SNX25: variants seen among roughly 807,000 people sequenced by gnomAD.
SNX25 encodes the protein sorting nexin 25.
A neutral mutation model predicts 113.7 loss-of-function variants in SNX25; 62 were observed. The observed-to-expected ratio is 0.55, with a 90% CI of 0.44 to 0.67. SNX25 has a LOEUF of 0.67. Ranked by LOEUF, SNX25 falls within the 30% of genes least tolerant of loss-of-function variation. The probability of loss-of-function intolerance (pLI) is 0.00; values close to 1 mark genes in which losing one functional copy is unlikely to be tolerated. For synonymous variants in SNX25, 421 were observed against 436.2 expected (o/e 0.97, Z 0.43); for missense variants, 1,014 against 1,161.0 (o/e 0.87, Z 1.84).
chr4:185,229,003 A>G (rs1178528056), intron 1 of SNX25, among the ~76,000 whole-genome samples: 1 of 152,208 alleles, frequency 6.6e-6, no homozygotes, highest in Admixed American at 6.5e-5. Context: ...CTGCTGTCTC[A>G]TAAGGGAGAA....
At chr4:185,268,949 A>G (rs1182039993) in intron 5 of SNX25, among the ~76,000 whole-genome samples, 2 of 152,226 alleles carry the variant, frequency 1.3e-5, no homozygotes, top group Non-Finnish European at 2.9e-5. Flanking sequence ...GGTATAATAT[A>G]TATCTGATGT....
chr4:185,371,012 T>A, downstream of SNX25: 1 of 529,048 alleles, frequency 1.9e-6, no homozygotes, highest in South Asian at 2.8e-5. Flanking sequence ...AGTGGTGACT[T>A]CACATGTCTC....
chr4:185,308,076 T>G lies in SNX25; in HGVS notation c.1163-2559T>G, dbSNP rs572054523. 1.1e-4 allele frequency among the ~76,000 whole-genome samples: 16 copies of G among 152,350 alleles called. No individual in the cohort carries two copies. In the East Asian group the frequency reaches 2.9e-3, roughly 28 times the overall value. ...GCCGGGCCCACACCTCTCTTTACTTTTAACTGATTTCTTCTCCTCAGCATT... is the reference window on the plus strand; with the variant it reads ...GCCGGGCCCACACCTCTCTTTACTTGTAACTGATTTCTTCTCCTCAGCATT... On this transcript the variant is annotated intron_variant, in intron 6 of 18. Transcript: ENST00000652585.
downstream of SNX25, chr4:185,374,516 A>G: frequency 6.3e-7 from 1 of 1,585,178 alleles, no homozygotes; most frequent in South Asian, 1.1e-5. Flanking sequence ...CCCAAACTGA[A>G]TTTCTTTCTC....
intron 2 of SNX25, among the ~76,000 whole-genome samples, chr4:185,249,222 G>A (rs565442059): frequency 4.6e-5 from 7 of 152,260 alleles, no homozygotes; most frequent in Admixed American, 4.6e-4. Flanking sequence ...TTACCAAACG[G>A]TATTCCAAAA....
rs1362879326 is a variant in SNX25 at position 185,210,715 on chromosome 4, G to A, written c.429+460G>A. Among the ~76,000 whole-genome samples, 1 of 151,902 alleles carries A rather than the reference G, an allele frequency of 6.6e-6. No homozygotes were observed. Among genetic ancestry groups the A allele is most frequent in the African/African-American group, 2.4e-5 (1 of 41,338 alleles). On this transcript the variant is annotated intron_variant, in intron 1 of 18. Coordinates refer to ENST00000652585, the MANE Select transcript of SNX25 (RefSeq NM_001378034.2). This position sits in a 1 kb window ranked among gnomAD's most constrained non-coding sequence, Gnocchi z 4.4. ...GATGAGGAAACTTGCTTCGGTCCCT[G>A]GCCCAGCGCCTCACCCCCAAGCCCG...
downstream of SNX25, chr4:185,370,775 G>A (rs775396907): frequency 1.4e-5 from 23 of 1,613,986 alleles, no homozygotes; most frequent in East Asian, 4.5e-5. Flanking sequence ...TGACCTGGGC[G>A]ATCATGGGGA....
chr4:185,220,014 T>A (rs985043938), intron 1 of SNX25, among the ~76,000 whole-genome samples: 3 of 152,008 alleles, frequency 2.0e-5, no homozygotes, highest in African/African-American at 7.3e-5. Context: ...CAGATTTGCA[T>A]TTGGGTCATT....
At chr4:185,218,756 T>G (rs561196035) in intron 1 of SNX25, among the ~76,000 whole-genome samples, 2 of 152,362 alleles carry the variant, frequency 1.3e-5, no homozygotes, top group South Asian at 4.1e-4. Flanking sequence ...AGACTTCCTA[T>G]TTTAGTGTAG....
At chr4:185,270,285 T>C (rs973108589) in intron 5 of SNX25, among the ~76,000 whole-genome samples, 4 of 152,222 alleles carry the variant, frequency 2.6e-5, no homozygotes, top group Non-Finnish European at 2.9e-5. Flanking sequence ...CTTAACTTGA[T>C]TGACCAAAGA....
At chr4:185,238,169 T>A (rs1742956056) in intron 1 of SNX25, among the ~76,000 whole-genome samples, 1 of 151,776 alleles carries the variant, frequency 6.6e-6, no homozygotes, top group African/African-American at 2.4e-5. Context: ...TTTTTTTAGA[T>A]CCCTGATATT....
At chr4:185,353,711 T>A in intron 15 of SNX25, 109 bp downstream of exon 15, 1 of 907,540 alleles carries the variant, frequency 1.1e-6, no homozygotes, top group Non-Finnish European at 1.8e-6. Context: ...ATCAGACATG[T>A]ATTTATATTC....
At chr4:185,286,942 G>A (rs987261500) in intron 5 of SNX25, among the ~76,000 whole-genome samples, 4 of 152,212 alleles carry the variant, frequency 2.6e-5, no homozygotes, top group East Asian at 3.8e-4. Context: ...ATGTAATTGT[G>A]TGCTCTAAAA....
At position 185,327,311 on chromosome 4, in the gene SNX25, C is replaced by A. The variant is rs1286659190; in HGVS notation, c.1749+3511C>A. Among the ~76,000 whole-genome samples, 4 of 152,302 alleles carry A rather than the reference C, an allele frequency of 2.6e-5. No individual in the cohort carries two copies. In the South Asian group the frequency reaches 8.3e-4, roughly 32 times the overall value. On this transcript the variant is annotated intron_variant, in intron 9 of 18. Coordinates refer to ENST00000652585, the MANE Select transcript of SNX25 (RefSeq NM_001378034.2). Reference sequence around the variant, plus strand: ...GGGCCTTCCCTAGCTGCAAAGCAGGCAGGTTGTACAGCTAAGAGTTATAGT... The same window carrying A: ...GGGCCTTCCCTAGCTGCAAAGCAGGAAGGTTGTACAGCTAAGAGTTATAGT...
intron 9 of SNX25, 25 bp from the exon 10 acceptor site, chr4:185,332,570 T>C (rs750318050): frequency 1.3e-6 from 2 of 1,577,344 alleles, no homozygotes; most frequent in Admixed American, 1.8e-5. Flanking sequence ...TTATAAGATA[T>C]GGTGGTATGT....
intron 8 of SNX25, 22 bp downstream of exon 8, chr4:185,320,886 G>A (rs2095114540): frequency 6.4e-7 from 1 of 1,552,340 alleles, no homozygotes; most frequent in South Asian, 1.2e-5. Context: ...AGGCTGAAAG[G>A]AATATTAATC....
At chr4:185,230,314 C>A (rs1008373206) in intron 1 of SNX25, among the ~76,000 whole-genome samples, 2 of 151,830 alleles carry the variant, frequency 1.3e-5, no homozygotes, top group Non-Finnish European at 2.9e-5. Context: ...ATCTAAAGTC[C>A]AAGAATGACT....
At chr4:185,286,949 A>G (rs1417284223) in intron 5 of SNX25, among the ~76,000 whole-genome samples, 1 of 152,256 alleles carries the variant, frequency 6.6e-6, no homozygotes, top group Non-Finnish European at 1.5e-5. Context: ...TGTGTGCTCT[A>G]AAAGCCAGCA....
At chr4:185,303,411 G>A (rs1266362866) in intron 6 of SNX25, among the ~76,000 whole-genome samples, 1 of 152,146 alleles carries the variant, frequency 6.6e-6, no homozygotes, top group Non-Finnish European at 1.5e-5. Flanking sequence ...TGTAATCCCA[G>A]CACTTTGGGA....
Sources: gnomAD v4.1 joint callset for allele counts (sites outside exome capture counted in the v4.1 genomes callset) on GRCh38, gnomAD v4.1.1 for gene constraint, Gnocchi (gnomAD v3.1) non-coding constraint, MANE v1.5 for transcripts, NCBI Gene and HGNC (gene_info 2026-07-23, HGNC 2026-07-21) for gene names.